Variants in AMDHD1 observed in about 807,000 individuals in gnomAD.
The protein encoded by AMDHD1 is amidohydrolase domain containing 1.
A neutral mutation model predicts 44.1 loss-of-function variants in AMDHD1; 45 were observed. The observed-to-expected ratio is 1.02, with a 90% CI of 0.80 to 1.31. The LOEUF is 1.31. Among genes scored for constraint, AMDHD1 ranks in the 50% most tolerant of loss-of-function variants. The pLI is 0.00. For synonymous variants in AMDHD1, 206 were observed against 205.0 expected, an observed-to-expected ratio of 1.00 and a Z score of -0.04; for missense variants, 586 against 552.1, an observed-to-expected ratio of 1.06 and a Z score of -0.61.
Position 95,960,438 on chromosome 12 carries a change from A to G in AMDHD1, c.628A>G (p.Asn210Asp), listed in dbSNP as rs764265690. ...ATEAADDIIN[N>D]HLPKLKELGR... ...TGAAGCTGCTGATGACATCATCAAT[A>G]ACCACCTCCCAAAGCTGAAGGAACT... Residue 210 changes from asparagine (N) to aspartate (D), a missense_variant, in exon 5 of 9, where the codon AAC becomes GAC. Transcript: ENST00000266736. 1.1e-5 allele frequency: 17 copies of G among 1,614,072 alleles called. No homozygotes were observed. In the South Asian group the frequency reaches 1.4e-4, roughly 14 times the overall value.
At position 95,962,259 on chromosome 12, in the gene AMDHD1, G is replaced by A. The variant is rs920363829; in HGVS notation, c.814-96G>A. 5.2e-5 allele frequency: 75 copies of A among 1,442,826 alleles called. 1 individual carries two copies. The Middle Eastern group carries it at 7.0e-4, about 13-fold the overall frequency. 89.4% of individuals were successfully genotyped at this position (1,442,826 alleles called of 1,614,324 possible). ...CAGCCTGGCTACAGAGCAAGACTCC[G>A]TCTCAAAAATAAAACAAACAAAGCA... On this transcript the variant is annotated intron_variant, in intron 5 of 8. Transcript: ENST00000266736.
Position 95,967,791 on chromosome 12 carries a change from A to T in AMDHD1, c.1229A>T (p.His410Leu), listed in dbSNP as rs374698659. Reference protein sequence around the residue: ...EHLIYQFGGHHELIEYVIAKG... With the variant: ...EHLIYQFGGHLELIEYVIAKG... ...TTGATTTACCAGTTCGGAGGCCATC[A>T]TGAATTAATTGAATATGTTATAGCT... is the stretch of plus-strand genomic sequence containing the variant. Residue 410 changes from histidine to leucine, a missense_variant, in exon 9 of 9, where the codon CAT becomes CTT. By Grantham distance (99) the His-to-Leu change is moderately conservative (BLOSUM62 -3). Coordinates refer to ENST00000266736, the MANE Select transcript of AMDHD1 (RefSeq NM_152435.3). 1.3e-6 allele frequency: 2 copies of T among 1,596,324 alleles called. No homozygotes were observed. The highest frequency in any genetic ancestry group is 2.7e-5 in the African/African-American group (2 of 73,028).
Position 95,956,916 on chromosome 12 carries a change from G to C in AMDHD1, c.541G>C (p.Asp181His), listed in dbSNP as rs749379494. 9 of 1,612,842 alleles carry C rather than the reference G, an allele frequency of 5.6e-6. No individual in the cohort carries two copies. The Admixed American group carries it at 6.7e-5, about 12-fold the overall frequency. ...GATTGAGCGCGCCCGGCGGGAGCTG[G>C]ACATCGGCATCTCGGCTACCTACTG... ...RVIERARREL[D>H]IGISATYCGA... The change falls in exon 4 of 9, where the codon GAC (aspartate) becomes CAC (histidine). Residue 181 changes from aspartate (D) to histidine (H), a missense_variant. Transcript: ENST00000266736.
intron 1 of AMDHD1, among the ~76,000 whole-genome samples, chr12:95,948,235 G>GCCAGCCGCCCTGT (rs1450929365): frequency 7.6e-6 from 1 of 132,204 alleles, no homozygotes; most frequent in African/African-American, 2.9e-5. Context: ...CCCCCGCCCG[G>GCCAGCCGCCCTGT]CCAGCCGCCC....
intron 4 of AMDHD1, among the ~76,000 whole-genome samples, chr12:95,959,127 G>A (rs1023469078): frequency 3.3e-5 from 5 of 152,070 alleles, no homozygotes; most frequent in African/African-American, 9.7e-5. Flanking sequence ...GTCTCTCATA[G>A]TCCACCTCTA....
chr12:95,962,044 GATC>G (rs2080584671), intron 5 of AMDHD1, among the ~76,000 whole-genome samples: 1 of 152,154 alleles, frequency 6.6e-6, no homozygotes, highest in African/African-American at 2.4e-5. Flanking sequence ...GAGGCAGGCG[GATC>G]ACGAGGTCAA....
chr12:95,951,831 A>G (rs2080527055), intron 1 of AMDHD1, among the ~76,000 whole-genome samples: 3 of 152,178 alleles, frequency 2.0e-5, no homozygotes, highest in African/African-American at 7.2e-5. Context: ...TCTGAAGATC[A>G]TTGATGTTGA....
In AMDHD1 at chr12:95,960,399, G is replaced by A. The variant is rs1233325053; in HGVS notation, c.589G>A (p.Gly197Arg). 1.1e-5 allele frequency: 17 copies of A among 1,613,298 alleles called. No homozygotes were observed. The highest frequency in any genetic ancestry group is 1.4e-5 in the Non-Finnish European group (17 of 1,179,898). The stretch of plus-strand genomic sequence containing the variant: ...TGGCAATCTCATTTTCTTCCCCAGA[G>A]GAAAAACTGCTACTGAAGCTGCTGA... ...TYCGAHSVPK[G>R]KTATEAADDI... is the part of the protein sequence containing the mutation. Residue 197 changes from glycine to arginine, a missense_variant and splice_region_variant, in exon 5 of 9, where the codon GGA becomes AGA. Gly to Arg is a moderately radical substitution (Grantham distance 125). Coordinates refer to ENST00000266736, the MANE Select transcript of AMDHD1 (RefSeq NM_152435.3).
chr12:95,964,032 T>TAAAAAAA lies in AMDHD1; in HGVS notation c.938+1565_938+1571dup, dbSNP rs35799594. Among the ~76,000 whole-genome samples, 90 of 119,366 alleles carry TAAAAAAA rather than the reference T, an allele frequency of 7.5e-4. 1 individual carries two copies. Among genetic ancestry groups the TAAAAAAA allele is most frequent in the African/African-American group, 2.2e-3 (68 of 30,520 alleles). 78.3% of individuals were successfully genotyped at this position (119,366 alleles called of 152,430 possible). A position where few individuals can be genotyped will look rare whatever the true frequency, so the allele number is the denominator to read the frequency against. ...CAACAGAGTGAGTGAGATTCCATCT[T>TAAAAAAA]AAAAAAAAAAAAAAAAAAGGCCTTT... is the stretch of plus-strand genomic sequence containing the variant. On this transcript the variant is annotated intron_variant, in intron 6 of 8. Transcript: ENST00000266736.
intron 6 of AMDHD1, 148 bp downstream of exon 6, chr12:95,962,627 C>T: frequency 1.0e-6 from 1 of 984,548 alleles, no homozygotes; most frequent in Non-Finnish European, 1.3e-6. Flanking sequence ...GATGCCAACC[C>T]TGGACTGATG....
In AMDHD1 at chr12:95,960,602, C is replaced by T. The variant is rs761189940; in HGVS notation, c.792C>T (p.Leu264=). Residue 264 remains leucine, a synonymous_variant, in exon 5 of 9, where the codon CTC becomes CTT. Coordinates refer to ENST00000266736, the MANE Select transcript of AMDHD1 (RefSeq NM_152435.3). ...AGATTAACTTCCATGGGGATGAACTCCACCCGATGAAGGCTGCTGAGGTGT... is the reference window on the plus strand; with the variant it reads ...AGATTAACTTCCATGGGGATGAACTTCACCCGATGAAGGCTGCTGAGGTGT... ...GLQINFHGDE[L]HPMKAAELGA... is the part of the protein sequence containing the mutation. The T allele has an allele frequency of 1.9e-6, 3 of 1,614,042 alleles. No homozygotes were observed. The highest frequency in any genetic ancestry group is 2.2e-5 in the East Asian group (1 of 44,902).
At chr12:95,943,641 A>T in intron 1 of AMDHD1, 106 bp downstream of exon 1, 2 of 1,333,264 alleles carry the variant, frequency 1.5e-6, no homozygotes, top group African/African-American at 3.1e-5. Context: ...GCGTCCCTGC[A>T]CAGAGATACA....
chr12:95,960,624 G>A lies in AMDHD1; in HGVS notation c.813+1G>A. 6.2e-7 allele frequency: 1 copy of A among 1,611,480 alleles called. No homozygotes were observed. The highest frequency in any genetic ancestry group is 1.1e-5 in the South Asian group (1 of 90,788). Reference sequence around the variant, plus strand: ...ACTCCACCCGATGAAGGCTGCTGAGGTGTGGTTGACTTTTAGTTTTTCCCT... The same window carrying A: ...ACTCCACCCGATGAAGGCTGCTGAGATGTGGTTGACTTTTAGTTTTTCCCT... On this transcript the variant is annotated splice_donor_variant, in intron 5 of 8. Coordinates refer to ENST00000266736, the MANE Select transcript of AMDHD1 (RefSeq NM_152435.3). LOFTEE classifies it high-confidence loss of function.
chr12:95,952,770 C>A lies in AMDHD1; in HGVS notation c.191C>A (p.Ser64Tyr). ...GCTGATGTTATTCAAAGACAGTTTT[C>A]TGGAGAAACTTTTGAAGAAATAATT... ...GPADVIQRQFSGETFEEIIDC... is the reference protein window; with the variant it reads ...GPADVIQRQFYGETFEEIIDC... The change falls in exon 2 of 9, where the codon TCT (serine) becomes TAT (tyrosine). Residue 64 changes from serine to tyrosine, a missense_variant. Physicochemically the swap from Ser to Tyr is moderately radical, Grantham distance 144. Transcript: ENST00000266736. 1 of 1,613,108 alleles carries A rather than the reference C, an allele frequency of 6.2e-7. No individual in the cohort carries two copies. Among genetic ancestry groups the A allele is most frequent in the Non-Finnish European group, 8.5e-7 (1 of 1,179,336 alleles).
chr12:95,947,730 C>G (rs1337046414), intron 1 of AMDHD1, among the ~76,000 whole-genome samples: 3 of 55,264 alleles, frequency 5.4e-5, no homozygotes, highest in Non-Finnish European at 9.9e-5. Flanking sequence ...TCAGCCCCCC[C>G]ACCCGGCCAG....
intron 1 of AMDHD1, among the ~76,000 whole-genome samples, chr12:95,950,333 A>G (rs2080520563): frequency 6.6e-6 from 1 of 152,036 alleles, no homozygotes; most frequent in Admixed American, 6.6e-5. Context: ...CTATCATAAC[A>G]TCTTCTCTTT....
chr12:95,952,685 A>C (rs771782174), intron 1 of AMDHD1, 32 bp from the exon 2 acceptor site: 2 of 1,416,316 alleles, frequency 1.4e-6, no homozygotes, highest in African/African-American at 1.4e-5. Flanking sequence ...GATTTCCCCA[A>C]ATTTAATAAC....
intron 8 of AMDHD1, 64 bp downstream of exon 8, chr12:95,966,572 A>T (rs1025606): frequency 0.4 from 638,342 of 1,578,694 alleles, 134,522 homozygotes; most frequent in African/African-American, 0.65. Context: ...TGAGGCCTAA[A>T]TCCCTTTTCC....
intron 4 of AMDHD1, 44 bp from the exon 5 acceptor site, chr12:95,960,354 T>C (rs1180169561): frequency 3.8e-6 from 6 of 1,566,398 alleles, no homozygotes; most frequent in Non-Finnish European, 5.2e-6. Context: ...TTTTTGTGTT[T>C]TGTTTTTAAT....
Sources: allele counts gnomAD v4.1 joint callset (sites outside exome capture counted in the v4.1 genomes callset), GRCh38; gene constraint gnomAD v4.1.1; transcripts MANE v1.5; gene names NCBI Gene and HGNC (gene_info 2026-07-23, HGNC 2026-07-21).